The following SCAF1 variants were observed in gnomAD, a reference collection of about 807,000 sequenced individuals.
The protein encoded by SCAF1 is splicing factor, arginine/serine-rich 19.
Under a neutral mutation model 91.2 loss-of-function variants are expected in SCAF1, and 28 were observed. The ratio of observed to expected loss-of-function variants is 0.31; its 90% CI spans 0.23 to 0.42. The LOEUF is 0.42. SCAF1 is among the 10% of genes least tolerant of loss of function. SCAF1 has a pLI of 1.00. For missense variants in SCAF1, 1,893 were observed against 1,872.1 expected, an observed-to-expected ratio of 1.01 and a Z score of -0.21; for synonymous variants, 1,036 against 833.7, an observed-to-expected ratio of 1.24 and a Z score of -4.18.
In SCAF1 at chr19:49,652,104, GCCGC is replaced by G; in HGVS notation, c.1716_1719del (p.Arg573ProfsTer164). On this transcript the variant is annotated frameshift_variant, in exon 7 of 11. Transcript: ENST00000360565. LOFTEE classifies it high-confidence loss of function. ...TCCCACGCCTCGTCGTCCGCCCGCC[GCCGC>G]TCCCGCTCCCGCTCCCGCTCCCGCT... is the stretch of plus-strand genomic sequence containing the variant. 8 of 1,132,286 alleles carry G rather than the reference GCCGC, an allele frequency of 7.1e-6. No individual in the cohort carries two copies. The highest frequency in any genetic ancestry group is 5.4e-6 in the Non-Finnish European group (5 of 918,642). 70.1% of individuals were successfully genotyped at this position (1,132,286 alleles called of 1,614,324 possible).
At chr19:49,647,098 C>T (rs1278862135) in intron 6 of SCAF1, among the ~76,000 whole-genome samples, 1 of 152,178 alleles carries the variant, frequency 6.6e-6, no homozygotes, top group Non-Finnish European at 1.5e-5. Context: ...GTTCATCTCC[C>T]CAGGAGGGGG....
intron 1 of SCAF1, among the ~76,000 whole-genome samples, chr19:49,644,322 T>C (rs1347886770): frequency 1.3e-5 from 2 of 152,198 alleles, no homozygotes; most frequent in Non-Finnish European, 2.9e-5. Flanking sequence ...TCAAAGAATT[T>C]CCATGACATT....
intron 7 of SCAF1, among the ~76,000 whole-genome samples, chr19:49,653,990 T>C (rs2081122293): frequency 6.6e-6 from 1 of 152,146 alleles, no homozygotes; most frequent in Non-Finnish European, 1.5e-5. Context: ...AAAGAATGGC[T>C]TGAGCAGGGC....
upstream of SCAF1, among the ~76,000 whole-genome samples, chr19:49,640,864 G>A (rs2081022781): frequency 6.6e-6 from 1 of 152,228 alleles, no homozygotes; most frequent in African/African-American, 2.4e-5. Flanking sequence ...CTGGGGCCAG[G>A]ATTTCTGGGT....
chr19:49,654,711 C>G lies in SCAF1; in HGVS notation c.3459C>G (p.Thr1153=), dbSNP rs144625329. 239 of 1,614,038 alleles carry G rather than the reference C, an allele frequency of 1.5e-4. 1 individual carries two copies. The highest frequency in any genetic ancestry group is 7.4e-5 in the Non-Finnish European group (87 of 1,180,024). Residue 1153 remains threonine (T), a synonymous_variant, in exon 9 of 11, where the codon ACC becomes ACG. Coordinates refer to ENST00000360565, the MANE Select transcript of SCAF1 (RefSeq NM_021228.3). ...GGATGACCCCAGCTCCTGTGCCCAC[C>G]TCTTTGGGTCTGCCCCCTGGCCCCT... ...SLGMTPAPVP[T]SLGLPPGPSS...
chr19:49,654,003 C>T (rs965131385), intron 7 of SCAF1, among the ~76,000 whole-genome samples: 9 of 152,122 alleles, frequency 5.9e-5, no homozygotes, highest in Non-Finnish European at 7.4e-5. Context: ...AGCAGGGCAT[C>T]GTATTCCTTA....
Position 49,652,998 on chromosome 19 carries a change from G to T in SCAF1, c.2609G>T (p.Arg870Leu), listed in dbSNP as rs141562149. Residue 870 changes from arginine (R) to leucine (L), a missense_variant, in exon 7 of 11, where the codon CGC (arginine) becomes CTC (leucine). Physicochemically the swap from Arg to Leu is moderately radical, Grantham distance 102. This residue lies in a region of SCAF1 where 1,436 missense variants were observed against 1,306.8 expected (regional missense o/e 1.10). Coordinates refer to ENST00000360565, the MANE Select transcript of SCAF1 (RefSeq NM_021228.3). ...ATTGGCGTCAAATTCAGCCGTGACC[G>T]CGAGAGTCGCTCCCCCTTCCTCAAA... is the stretch of plus-strand genomic sequence containing the variant. Reference protein sequence around the residue: ...GSIGVKFSRDRESRSPFLKPD... With the variant: ...GSIGVKFSRDLESRSPFLKPD... 6.2e-7 allele frequency: 1 copy of T among 1,613,962 alleles called. No homozygotes were observed. The highest frequency in any genetic ancestry group is 1.7e-5 in the Admixed American group (1 of 60,024).
chr19:49,654,219 T>A, intron 7 of SCAF1, 130 bp from the exon 8 acceptor site: 1 of 743,244 alleles, frequency 1.3e-6, no homozygotes, highest in Non-Finnish European at 2.3e-6. Context: ...TTCCCAGTTC[T>A]GAGCGTGAGG....
intron 6 of SCAF1, among the ~76,000 whole-genome samples, chr19:49,650,636 T>C (rs1267182726): frequency 6.6e-6 from 1 of 152,158 alleles, no homozygotes. Context: ...TCTCTCTGTG[T>C]GCCCTTGGGG....
chr19:49,648,570 CT>C (rs1555748496), intron 6 of SCAF1, among the ~76,000 whole-genome samples: 17 of 146,890 alleles, frequency 1.2e-4, no homozygotes, highest in Non-Finnish European at 1.7e-4. Context: ...ACCCCCCCCC[CT>C]TTTTTTTTAA....
Position 49,652,127 on chromosome 19 carries a change from TCCCG to T in SCAF1, c.1740_1743del (p.Arg581ProfsTer156). 1 of 1,119,188 alleles carries T rather than the reference TCCCG, an allele frequency of 8.9e-7. No individual in the cohort carries two copies. Among genetic ancestry groups the T allele is most frequent in the Non-Finnish European group, 1.1e-6 (1 of 910,642 alleles). The allele number at this position is 1,119,188 out of a possible 1,614,324, so 69.3% of individuals were successfully genotyped here. A position where few individuals can be genotyped will look rare whatever the true frequency, so the allele number is the denominator to read the frequency against. ...CCGCCGCTCCCGCTCCCGCTCCCGC[TCCCG>T]CTCCACCCGCCGCCGCTCGCGCAGC... On this transcript the variant is annotated frameshift_variant, in exon 7 of 11. Coordinates refer to ENST00000360565, the MANE Select transcript of SCAF1 (RefSeq NM_021228.3). LOFTEE classifies it high-confidence loss of function.
intron 9 of SCAF1, among the ~76,000 whole-genome samples, chr19:49,656,116 C>T (rs890890269): frequency 2.0e-5 from 3 of 152,266 alleles, no homozygotes; most frequent in Non-Finnish European, 2.9e-5. Flanking sequence ...GCAGTTTAGT[C>T]GGTCACTTGT....
chr19:49,641,915 G>A (rs1301587738), upstream of SCAF1, among the ~76,000 whole-genome samples: 1 of 152,216 alleles, frequency 6.6e-6, no homozygotes, highest in Non-Finnish European at 1.5e-5. Flanking sequence ...CCGCGCGCGC[G>A]CAGGGCACTG....
intron 6 of SCAF1, among the ~76,000 whole-genome samples, chr19:49,648,476 C>A (rs749526631): frequency 1.5e-4 from 22 of 151,328 alleles, no homozygotes; most frequent in Non-Finnish European, 2.7e-4. Flanking sequence ...GCAGGCTGGT[C>A]TTAAACTCCA....
rs1323729811 is a variant in SCAF1, at chr19:49,658,341, C to G, written c.3881C>G (p.Pro1294Arg). Residue 1294 changes from proline to arginine, a missense_variant, in exon 11 of 11, where the codon CCC (proline) becomes CGC (arginine). Around this residue, in one of 5 missense-constraint regions of SCAF1, gnomAD observed 51 missense variants for 49.9 expected, o/e 1.02. Coordinates refer to ENST00000360565, the MANE Select transcript of SCAF1 (RefSeq NM_021228.3). ...GACCCCCCAGGGCCCCCACGGCCGCCCAAGGAGCCAGGGCCCCCAGACAAG... is the reference window on the plus strand; with the variant it reads ...GACCCCCCAGGGCCCCCACGGCCGCGCAAGGAGCCAGGGCCCCCAGACAAG... ...PGDPPGPPRP[P>R]KEPGPPDKGG... 6.3e-7 allele frequency: 1 copy of G among 1,580,550 alleles called. No homozygotes were observed. The highest frequency in any genetic ancestry group is 8.6e-7 in the Non-Finnish European group (1 of 1,165,816).
At position 49,645,076 on chromosome 19, in the gene SCAF1, A is replaced by T; in HGVS notation, c.50A>T (p.Asp17Val). Residue 17 changes from aspartate (D) to valine (V), a missense_variant, in exon 2 of 11, where the codon GAT becomes GTT. Physicochemically the swap from Asp to Val is radical, Grantham distance 152. Around this residue, in one of 5 missense-constraint regions of SCAF1, gnomAD observed 270 missense variants for 292.5 expected, o/e 0.92. Transcript: ENST00000360565. This position sits in a 1 kb window ranked among gnomAD's most constrained non-coding sequence, Gnocchi z 4.6. ...GGGAAGACAGAGGAGTCGGGGGAGG[A>T]TCGGGGCGATGGTCCGCCAGACAGA... ...SRGKTEESGE[D>V]RGDGPPDRDP... is the part of the protein sequence containing the mutation. 1 of 1,614,072 alleles carries T rather than the reference A, an allele frequency of 6.2e-7. No homozygotes were observed. Among genetic ancestry groups the T allele is most frequent in the Non-Finnish European group, 8.5e-7 (1 of 1,179,986 alleles).
chr19:49,645,449 T>G lies in SCAF1; in HGVS notation c.166+38T>G, dbSNP rs1486160749. ...CCGGTTCCTTTTAGCCCCTGCCCCCTCTCTGCATTCTTTATCCTAATGTCA... is the reference window on the plus strand; with the variant it reads ...CCGGTTCCTTTTAGCCCCTGCCCCCGCTCTGCATTCTTTATCCTAATGTCA... On this transcript the variant is annotated intron_variant, in intron 3 of 10. Coordinates refer to ENST00000360565, the MANE Select transcript of SCAF1 (RefSeq NM_021228.3). The surrounding 1 kb of genome is among the most constrained non-coding windows in gnomAD (Gnocchi z 4.6). 1 of 1,579,834 alleles carries G rather than the reference T, an allele frequency of 6.3e-7. No homozygotes were observed. Among genetic ancestry groups the G allele is most frequent in the South Asian group, 1.1e-5 (1 of 89,388 alleles).
Position 49,645,523 on chromosome 19 carries a change from ATGGGGAGCC to A in SCAF1, c.166+113_166+121del. 2 of 1,155,994 alleles carry A rather than the reference ATGGGGAGCC, an allele frequency of 1.7e-6. No homozygotes were observed. The highest frequency in any genetic ancestry group is 1.6e-5 in the African/African-American group (1 of 64,372). The allele number at this position is 1,155,994 out of a possible 1,614,324, so 71.6% of individuals were successfully genotyped here. On this transcript the variant is annotated intron_variant, in intron 3 of 10. Coordinates refer to ENST00000360565, the MANE Select transcript of SCAF1 (RefSeq NM_021228.3). The surrounding 1 kb of genome is among the most constrained non-coding windows in gnomAD (Gnocchi z 4.6). ...TCCTGGGTGCCACCCTTGTGCTGGC[ATGGGGAGCC>A]AAAAATGGGCAGACACCCTGTAGCT...
Position 49,652,310 on chromosome 19 carries a change from A to G in SCAF1, c.1921A>G (p.Lys641Glu). 1 of 1,486,796 alleles carries G rather than the reference A, an allele frequency of 6.7e-7. No homozygotes were observed. Among genetic ancestry groups the G allele is most frequent in the South Asian group, 1.3e-5 (1 of 77,034 alleles). The allele number at this position is 1,486,796 out of a possible 1,614,324, so 92.1% of individuals were successfully genotyped here. A position where few individuals can be genotyped will look rare whatever the true frequency, so the allele number is the denominator to read the frequency against. Residue 641 changes from lysine to glutamate, a missense_variant, in exon 7 of 11, where the codon AAG becomes GAG. By Grantham distance (56) the Lys-to-Glu change is moderately conservative. Transcript: ENST00000360565. ...GAAACACCGGGACGGTGGCGGCAGC[A>G]AGAAGAAGAAGAAGCGGTCGCGGTC... ...RGKHRDGGGS[K>E]KKKKRSRSRG...
Sources: gnomAD v4.1 joint callset for allele counts (sites outside exome capture counted in the v4.1 genomes callset) on GRCh38, gnomAD v4.1.1 for gene constraint, gnomAD v4.1.1 regional missense constraint, Gnocchi (gnomAD v3.1) non-coding constraint, MANE v1.5 for transcripts, NCBI Gene and HGNC (gene_info 2026-07-23, HGNC 2026-07-21) for gene names.